INSR: variants seen among roughly 807,000 people sequenced by gnomAD.
The protein encoded by INSR is IR.
In INSR, 67 loss-of-function variants were observed where a neutral mutation model predicts 142.6. The ratio of observed to expected loss-of-function variants is 0.47; its 90% CI spans 0.39 to 0.58. INSR has a LOEUF of 0.58. Among genes scored for constraint, INSR ranks in the 20% least tolerant of loss-of-function variants. The probability of loss-of-function intolerance (pLI) is 0.00; values close to 1 mark genes in which losing one functional copy is unlikely to be tolerated. For synonymous variants in INSR, 756 were observed against 743.1 expected (o/e 1.02, Z -0.28); for missense variants, 1,248 against 1,833.2 (o/e 0.68, Z 5.83).
At chr19:7,148,530 T>C (rs1156945272) in intron 11 of INSR, among the ~76,000 whole-genome samples, 2 of 131,034 alleles carry the variant, frequency 1.5e-5, no homozygotes, top group Admixed American at 1.7e-4. Context: ...CAGGCTGGAA[T>C]GCAGTGGCGA....
At chr19:7,269,038 C>CCCCACACACA (rs1555690135) in intron 1 of INSR, among the ~76,000 whole-genome samples, 13 of 146,958 alleles carry the variant, frequency 8.8e-5, no homozygotes, top group Non-Finnish European at 1.9e-4. Context: ...ACCCACACAC[C>CCCCACACACA]CACACACACA....
intron 2 of INSR, among the ~76,000 whole-genome samples, chr19:7,265,223 C>A (rs1003598020): frequency 3.3e-5 from 5 of 152,154 alleles, no homozygotes; most frequent in African/African-American, 1.2e-4. Flanking sequence ...ATGATCAGAA[C>A]AGTCACTACC....
chr19:7,157,172 G>T (rs1446030098), intron 9 of INSR, among the ~76,000 whole-genome samples: 2 of 152,198 alleles, frequency 1.3e-5, no homozygotes, highest in African/African-American at 4.8e-5. Context: ...TAGAGACGGG[G>T]TTTGGCCATG....
At chr19:7,249,616 T>C (rs1295273343) in intron 2 of INSR, among the ~76,000 whole-genome samples, 2 of 152,094 alleles carry the variant, frequency 1.3e-5, no homozygotes, top group Non-Finnish European at 2.9e-5. Flanking sequence ...GGGAGGCTAG[T>C]GTGCCAGAAC....
rs375708814 is a variant in INSR, at chr19:7,117,973, C to T, written c.3795-563G>A. On this transcript the variant is annotated intron_variant, in intron 21 of 21. Transcript: ENST00000302850. ...CCAGGATGGAGTGCAGTGGCGCAAT[C>T]ATAGCTCATTGCAGCCTTGAACTCC... is the stretch of plus-strand genomic sequence containing the variant. Among the ~76,000 whole-genome samples, 578 of 150,306 alleles carry T rather than the reference C, an allele frequency of 3.8e-3. 1 individual carries two copies. Among genetic ancestry groups the T allele is most frequent in the African/African-American group, 0.013 (548 of 40,954 alleles).
At chr19:7,234,871 A>G (rs1275740829) in intron 2 of INSR, among the ~76,000 whole-genome samples, 1 of 152,010 alleles carries the variant, frequency 6.6e-6, no homozygotes, top group Admixed American at 6.6e-5. Context: ...ATCCTGACTA[A>G]CATGATGAAA....
At chr19:7,158,360 G>T (rs1186556449) in intron 9 of INSR, among the ~76,000 whole-genome samples, 1 of 152,026 alleles carries the variant, frequency 6.6e-6, no homozygotes, top group Non-Finnish European at 1.5e-5. Flanking sequence ...AATTAGCCGG[G>T]CGTGGTGGCG....
chr19:7,289,111 G>C (rs145779672), intron 1 of INSR, among the ~76,000 whole-genome samples: 1 of 152,112 alleles, frequency 6.6e-6, no homozygotes, highest in Non-Finnish European at 1.5e-5. Flanking sequence ...CTTCCAGGAG[G>C]GGGGACTGGC....
At chr19:7,239,555 A>G (rs1350813193) in intron 2 of INSR, among the ~76,000 whole-genome samples, 1 of 152,110 alleles carries the variant, frequency 6.6e-6, no homozygotes, top group Non-Finnish European at 1.5e-5. Flanking sequence ...CTAGATCTAA[A>G]AATGCACATA....
At chr19:7,195,657 T>A (rs1435531769) in intron 2 of INSR, among the ~76,000 whole-genome samples, 1 of 118,546 alleles carries the variant, frequency 8.4e-6, no homozygotes, top group East Asian at 2.1e-4. Flanking sequence ...AAAATAAAAA[T>A]AAATAAATAA....
chr19:7,154,741 T>G lies in INSR; in HGVS notation c.2030-1814A>C, dbSNP rs1004269783. On this transcript the variant is annotated intron_variant, in intron 9 of 21. Transcript: ENST00000302850. ...GAGGTCCGGACCATCCTAGCCAACA[T>G]GGCGAAACCCCGTCTCTACTCAAAA... Among the ~76,000 whole-genome samples, 3 of 151,610 alleles carry G rather than the reference T, an allele frequency of 2.0e-5. No homozygotes were observed. In the South Asian group the frequency reaches 6.2e-4, roughly 32 times the overall value.
chr19:7,138,268 C>T lies in INSR; in HGVS notation c.2682+3409G>A, dbSNP rs1450489699. Among the ~76,000 whole-genome samples, 3 of 152,214 alleles carry T rather than the reference C, an allele frequency of 2.0e-5. No individual in the cohort carries two copies. The South Asian group carries it at 6.2e-4, about 32-fold the overall frequency. On this transcript the variant is annotated intron_variant, in intron 13 of 21. Coordinates refer to ENST00000302850, the MANE Select transcript of INSR (RefSeq NM_000208.4). ...CGTGAGCCACTGCACCCAGCAGATA[C>T]AGGGGGATTCTTAACTGCTGGGGGA... is the stretch of plus-strand genomic sequence containing the variant.
chr19:7,185,955 G>A (rs1297812491), intron 2 of INSR, among the ~76,000 whole-genome samples: 4 of 151,478 alleles, frequency 2.6e-5, no homozygotes, highest in Middle Eastern at 6.8e-3. Flanking sequence ...AGCACTTTGG[G>A]AGGCCAAGGT....
chr19:7,142,481 G>C (rs1333891719), intron 12 of INSR, among the ~76,000 whole-genome samples: 1 of 150,216 alleles, frequency 6.7e-6, no homozygotes, highest in East Asian at 2.0e-4. Flanking sequence ...GATCACTTGA[G>C]CCCAGGAGTT....
rs758865457 is a variant in INSR, at chr19:7,267,860, C to T, written c.137G>A (p.Arg46Lys). Residue 46 changes from arginine to lysine, a missense_variant, in exon 2 of 22, where the codon AGG (arginine) becomes AAG (lysine). By Grantham distance (26) the Arg-to-Lys change is conservative. Transcript: ENST00000302850. The surrounding 1 kb of genome is among the most constrained non-coding windows in gnomAD (Gnocchi z 6.3). The part of the protein sequence containing the change: ...PGMDIRNNLT[R>K]LHELENCSVI... Reference sequence around the variant, plus strand: ...AGAGCAATTCTCCAGCTCATGCAACCTAGTGAGGTTGTTCCGGATATCCAT... The same window carrying T: ...AGAGCAATTCTCCAGCTCATGCAACTTAGTGAGGTTGTTCCGGATATCCAT... 6.2e-7 allele frequency: 1 copy of T among 1,614,030 alleles called. No individual in the cohort carries two copies. The highest frequency in any genetic ancestry group is 1.1e-5 in the South Asian group (1 of 91,058).
intron 13 of INSR, among the ~76,000 whole-genome samples, chr19:7,135,847 A>C (rs1972909306): frequency 6.6e-6 from 1 of 151,840 alleles, no homozygotes. Flanking sequence ...GGGTTCCTGT[A>C]GTCCCAGATA....
At chr19:7,129,446 T>G (rs1972725339) in intron 14 of INSR, among the ~76,000 whole-genome samples, 1 of 152,186 alleles carries the variant, frequency 6.6e-6, no homozygotes, top group Non-Finnish European at 1.5e-5. Flanking sequence ...TGCCTCAGCC[T>G]CCCAAGTAGC....
chr19:7,195,361 G>A (rs2145023003), intron 2 of INSR, among the ~76,000 whole-genome samples: 1 of 152,256 alleles, frequency 6.6e-6, no homozygotes, highest in East Asian at 1.9e-4. Flanking sequence ...TGCCAATGTT[G>A]GCCAGGTGTG....
At position 7,125,966 on chromosome 19, in the gene INSR, C is replaced by G. The variant is rs1972636439; in HGVS notation, c.3014-439G>C. Among the ~76,000 whole-genome samples, 1 of 152,160 alleles carries G rather than the reference C, an allele frequency of 6.6e-6. No homozygotes were observed. Among genetic ancestry groups the G allele is most frequent in the Non-Finnish European group, 1.5e-5 (1 of 68,034 alleles). The stretch of plus-strand genomic sequence containing the variant: ...AAAAGGTGGAGTCTATCTCACCACC[C>G]CTTGGCCCTGGGCATGGCCTTGTGA... On this transcript the variant is annotated intron_variant, in intron 16 of 21. Transcript: ENST00000302850. This position sits in a 1 kb window ranked among gnomAD's most constrained non-coding sequence, Gnocchi z 4.9.
Sources: gnomAD v4.1 joint callset for allele counts (sites outside exome capture counted in the v4.1 genomes callset) on GRCh38, gnomAD v4.1.1 for gene constraint, Gnocchi (gnomAD v3.1) non-coding constraint, MANE v1.5 for transcripts, NCBI Gene and HGNC (gene_info 2026-07-23, HGNC 2026-07-21) for gene names.